The following ADAMTSL1 variants were observed in gnomAD, a reference collection of about 807,000 sequenced individuals.
The protein encoded by ADAMTSL1 is ADAMTS like 1, also known as ADAMTS-like protein 1.
In ADAMTSL1, 126 loss-of-function variants were observed where a neutral mutation model predicts 201.8. The observed-to-expected ratio is 0.62, with a 90% confidence interval of 0.54 to 0.72. ADAMTSL1 has a LOEUF of 0.72. ADAMTSL1 is among the 30% of genes least tolerant of loss of function. The pLI, the probability that ADAMTSL1 is intolerant of heterozygous loss-of-function variation, is 0.00. For missense variants in ADAMTSL1, 2,679 were observed against 2,277.8 expected (o/e 1.18, Z -3.59); for synonymous variants, 1,121 against 903.4 (o/e 1.24, Z -4.32).
chr9:18,555,551 G>A (rs1375725176), intron 3 of ADAMTSL1, among the ~76,000 whole-genome samples: 2 of 151,822 alleles, frequency 1.3e-5, no homozygotes, highest in Non-Finnish European at 2.9e-5. Flanking sequence ...CGAGGCCCTT[G>A]GGTTTTCATT....
At chr9:18,897,718 A>C (rs1019367188) in intron 26 of ADAMTSL1, among the ~76,000 whole-genome samples, 2 of 152,210 alleles carry the variant, frequency 1.3e-5, no homozygotes, top group Non-Finnish European at 2.9e-5. Flanking sequence ...AGCAACCTCA[A>C]CAAAGGTAGA....
At chr9:18,849,962 A>G (rs1039251618) in intron 23 of ADAMTSL1, among the ~76,000 whole-genome samples, 1 of 152,240 alleles carries the variant, frequency 6.6e-6, no homozygotes, top group African/African-American at 2.4e-5. Flanking sequence ...TTTACAAGGA[A>G]GCCACAGAAA....
chr9:18,262,798 A>T (rs1831973809), intron 2 of ADAMTSL1, among the ~76,000 whole-genome samples: 1 of 152,226 alleles, frequency 6.6e-6, no homozygotes. Flanking sequence ...CAAGTAGGAG[A>T]GCAAGAGACT....
At chr9:18,318,764 A>G (rs1296247955) in intron 2 of ADAMTSL1, among the ~76,000 whole-genome samples, 1 of 151,952 alleles carries the variant, frequency 6.6e-6, no homozygotes, top group Non-Finnish European at 1.5e-5. Flanking sequence ...TACTTTTGGC[A>G]GTGATTCAGA....
At chr9:18,499,530 T>C (rs996206314) in intron 1 of ADAMTSL1, among the ~76,000 whole-genome samples, 1 of 152,240 alleles carries the variant, frequency 6.6e-6, no homozygotes, top group Non-Finnish European at 1.5e-5. Context: ...TTTCTGTGTA[T>C]AGATTGCTCC....
chr9:18,532,210 G>A (rs1029859591), intron 2 of ADAMTSL1, among the ~76,000 whole-genome samples: 3 of 152,072 alleles, frequency 2.0e-5, no homozygotes, highest in Admixed American at 6.6e-5. Context: ...GATTGTTTTT[G>A]TTCATAGGAA....
At chr9:18,609,619 C>G (rs1338351961) in intron 4 of ADAMTSL1, among the ~76,000 whole-genome samples, 1 of 152,136 alleles carries the variant, frequency 6.6e-6, no homozygotes, top group Non-Finnish European at 1.5e-5. Flanking sequence ...TTGGAGTCTA[C>G]AGGTTCCCAG....
At chr9:18,535,784 G>T (rs1819729953) in intron 3 of ADAMTSL1, among the ~76,000 whole-genome samples, 1 of 152,156 alleles carries the variant, frequency 6.6e-6, no homozygotes, top group African/African-American at 2.4e-5. Flanking sequence ...TGAGTGAAGG[G>T]AGAAGCCCCT....
At chr9:18,035,144 T>C (rs965847678) in intron 1 of ADAMTSL1, among the ~76,000 whole-genome samples, 1 of 152,226 alleles carries the variant, frequency 6.6e-6, no homozygotes, top group Admixed American at 6.5e-5. Flanking sequence ...CTTAAGTTAG[T>C]ATGTTACTAA....
intron 1 of ADAMTSL1, among the ~76,000 whole-genome samples, chr9:17,979,112 G>A (rs1047351461): frequency 2.0e-5 from 3 of 151,828 alleles, no homozygotes; most frequent in Non-Finnish European, 2.9e-5. Context: ...ATTTCCCTCC[G>A]ATTTTGACAG....
At chr9:18,424,447 T>C (rs1819109971) in intron 2 of ADAMTSL1, among the ~76,000 whole-genome samples, 1 of 152,096 alleles carries the variant, frequency 6.6e-6, no homozygotes, top group Non-Finnish European at 1.5e-5. Context: ...ATCTCCTACA[T>C]TACCATCAAT....
At chr9:18,170,583 C>T (rs1038489551) in intron 2 of ADAMTSL1, among the ~76,000 whole-genome samples, 2 of 151,866 alleles carry the variant, frequency 1.3e-5, no homozygotes, top group African/African-American at 4.8e-5. Flanking sequence ...CACGTGAAGC[C>T]TATGGGACCA....
At chr9:18,521,443 C>G (rs969659390) in intron 2 of ADAMTSL1, among the ~76,000 whole-genome samples, 1 of 150,868 alleles carries the variant, frequency 6.6e-6, no homozygotes, top group Non-Finnish European at 1.5e-5. Context: ...CTACTAGATA[C>G]CCACAAAAAT....
intron 1 of ADAMTSL1, among the ~76,000 whole-genome samples, chr9:18,044,376 G>T (rs1821570007): frequency 6.6e-6 from 1 of 152,090 alleles, no homozygotes; most frequent in Non-Finnish European, 1.5e-5. Context: ...AGGTGGTGGT[G>T]CCTTTGTGAA....
intron 2 of ADAMTSL1, among the ~76,000 whole-genome samples, chr9:18,409,754 A>AT (rs1818356649): frequency 6.6e-6 from 1 of 150,588 alleles, no homozygotes; most frequent in African/African-American, 2.4e-5. Context: ...ATATATACAT[A>AT]ACATATATGT....
chr9:18,115,598 C>A (rs2131896666), intron 1 of ADAMTSL1, among the ~76,000 whole-genome samples: 1 of 152,242 alleles, frequency 6.6e-6, no homozygotes, highest in South Asian at 2.1e-4. Flanking sequence ...TTACTGTGTT[C>A]TGGGCACTTT....
chr9:18,168,007 A>C (rs1827712118), intron 2 of ADAMTSL1, among the ~76,000 whole-genome samples: 1 of 152,002 alleles, frequency 6.6e-6, no homozygotes, highest in Non-Finnish European at 1.5e-5. Flanking sequence ...CTGTTTGTGG[A>C]ATAAAGAGAA....
chr9:18,424,001 A>G (rs1819082465), intron 2 of ADAMTSL1, among the ~76,000 whole-genome samples: 1 of 152,254 alleles, frequency 6.6e-6, no homozygotes. Flanking sequence ...TTCTGAAGAA[A>G]GAGCAGAAAT....
intron 2 of ADAMTSL1, among the ~76,000 whole-genome samples, chr9:18,165,089 A>C (rs1827574968): frequency 6.6e-6 from 1 of 151,630 alleles, no homozygotes; most frequent in African/African-American, 2.4e-5. Context: ...CTACCTTTTA[A>C]ATTTTCTATG....
Sources: allele counts gnomAD v4.1 joint callset (sites outside exome capture counted in the v4.1 genomes callset), GRCh38; gene constraint gnomAD v4.1.1; transcripts MANE v1.5; gene names NCBI Gene and HGNC (gene_info 2026-07-23, HGNC 2026-07-21).